Variants in PIWIL3 observed in about 807,000 individuals in gnomAD.
The protein encoded by PIWIL3 is piwi-like protein 3.
PIWIL3 carries 101 observed loss-of-function variants against 109.7 expected under a neutral mutation model. The ratio of observed to expected loss-of-function variants is 0.92; its 90% CI spans 0.78 to 1.09. The LOEUF is 1.09. PIWIL3 is among the 50% of genes least tolerant of loss of function. The pLI is 0.00. For synonymous variants in PIWIL3, 373 were observed against 376.4 expected (o/e 0.99, Z 0.10); for missense variants, 1,031 against 1,072.6 (o/e 0.96, Z 0.54).
At chr22:24,761,427 C>CA (rs915964194) in intron 2 of PIWIL3, among the ~76,000 whole-genome samples, 1 of 99,526 alleles carries the variant, frequency 1.0e-5, no homozygotes, top group Non-Finnish European at 2.3e-5. Context: ...AGTGAAGAGG[C>CA]AAGTCTGAGG....
intron 18 of PIWIL3, among the ~76,000 whole-genome samples, chr22:24,724,147 G>T (rs1922846468): frequency 6.6e-6 from 1 of 152,014 alleles, no homozygotes; most frequent in Non-Finnish European, 1.5e-5. Flanking sequence ...AAAGCAGAAG[G>T]GTCTTCCCGG....
intron 19 of PIWIL3, among the ~76,000 whole-genome samples, chr22:24,721,602 T>C (rs1250611494): frequency 2.0e-5 from 3 of 152,236 alleles, no homozygotes; most frequent in African/African-American, 4.8e-5. Context: ...TTTGTGAACA[T>C]ATGTTCCAGT....
chr22:24,755,560 C>A, intron 6 of PIWIL3, among the ~76,000 whole-genome samples: 1 of 152,142 alleles, frequency 6.6e-6, no homozygotes, highest in South Asian at 2.1e-4. Flanking sequence ...AGGTATGAGA[C>A]AAAGAACGGG....
At chr22:24,764,625 CGTGTGTGTGTGTGTGTGTGTGT>C (rs140531011) in intron 1 of PIWIL3, among the ~76,000 whole-genome samples, 40 of 134,692 alleles carry the variant, frequency 3.0e-4, no homozygotes, top group African/African-American at 1.0e-3. Flanking sequence ...TTGACCTTGC[CGTGTGTGTGTGTGTGTGTGTGT>C]GTGTGTGTGT....
chr22:24,726,089 A>C (rs904779864), intron 16 of PIWIL3, among the ~76,000 whole-genome samples: 1 of 152,186 alleles, frequency 6.6e-6, no homozygotes, highest in African/African-American at 2.4e-5. Flanking sequence ...GAGCATGACC[A>C]GGCGTCTCGG....
intron 2 of PIWIL3, 82 bp downstream of exon 2, chr22:24,762,316 C>A: frequency 6.6e-7 from 1 of 1,523,962 alleles, no homozygotes; most frequent in Non-Finnish European, 8.8e-7. Context: ...CCTGAACTAG[C>A]TTCGCTCAAC....
chr22:24,740,111 C>G (rs1601833344), intron 12 of PIWIL3, among the ~76,000 whole-genome samples: 1 of 148,092 alleles, frequency 6.8e-6, no homozygotes, highest in African/African-American at 2.5e-5. Context: ...CCCAGCTACT[C>G]AGGAGGCTGA....
chr22:24,725,921 C>G (rs1188047200), intron 16 of PIWIL3, among the ~76,000 whole-genome samples: 1 of 152,140 alleles, frequency 6.6e-6, no homozygotes, highest in African/African-American at 2.4e-5. Flanking sequence ...ATGGTGGCAG[C>G]TGTTGACACA....
intron 1 of PIWIL3, among the ~76,000 whole-genome samples, chr22:24,764,127 G>A (rs545946300): frequency 6.6e-6 from 1 of 152,322 alleles, no homozygotes; most frequent in South Asian, 2.1e-4. Flanking sequence ...AGGAAAGCAG[G>A]CGTCGCCCCC....
At chr22:24,773,427 G>C (rs941095692) in intron 1 of PIWIL3, among the ~76,000 whole-genome samples, 9 of 152,138 alleles carry the variant, frequency 5.9e-5, no homozygotes, top group African/African-American at 2.2e-4. Flanking sequence ...GGGTTAAATG[G>C]GAGAAGGTGT....
chr22:24,756,496 C>T lies in PIWIL3; in HGVS notation c.565G>A (p.Glu189Lys), dbSNP rs542381102. The change falls in exon 5 of 21, where the codon GAG becomes AAG. Residue 189 changes from glutamate to lysine, a missense_variant. Coordinates refer to ENST00000616349, the MANE Select transcript of PIWIL3 (RefSeq NM_001255975.1). Reference protein sequence around the residue: ...NSLLLSRPLKERRVEWLSTTK... With the variant: ...NSLLLSRPLKKRRVEWLSTTK... ...GTGAAACAACATTACTTAACCCGCTCTTTTAGTGGCCGAGATAATAATAAA... is the reference window on the plus strand; with the variant it reads ...GTGAAACAACATTACTTAACCCGCTTTTTTAGTGGCCGAGATAATAATAAA... The T allele has an allele frequency of 6.2e-7, 1 of 1,612,804 alleles. No homozygotes were observed. The highest frequency in any genetic ancestry group is 1.7e-5 in the Admixed American group (1 of 60,000).
Position 24,753,923 on chromosome 22 carries a change from A to G in PIWIL3, c.977+91T>C, listed in dbSNP as rs572681923. 55 of 1,129,906 alleles carry G rather than the reference A, an allele frequency of 4.9e-5. 2 individuals are homozygous for G. In the South Asian group the frequency reaches 7.9e-4, roughly 16 times the overall value. The allele number at this position is 1,129,906 out of a possible 1,614,324, so 70.0% of individuals were successfully genotyped here. A position where few individuals can be genotyped will look rare whatever the true frequency, so the allele number is the denominator to read the frequency against. Reference sequence around the variant, plus strand: ...GCAATTTCTACTCCTCAACTTCAACATTTAGTGATTAGAAAACTATAGGAC... The same window carrying G: ...GCAATTTCTACTCCTCAACTTCAACGTTTAGTGATTAGAAAACTATAGGAC... On this transcript the variant is annotated intron_variant, in intron 8 of 20. Coordinates refer to ENST00000616349, the MANE Select transcript of PIWIL3 (RefSeq NM_001255975.1).
chr22:24,772,041 C>A (rs1926165455), intron 1 of PIWIL3, among the ~76,000 whole-genome samples: 1 of 152,140 alleles, frequency 6.6e-6, no homozygotes, highest in Non-Finnish European at 1.5e-5. Flanking sequence ...GCCAACAGAA[C>A]TGTGTTGGTA....
chr22:24,726,860 CATT>C (rs772375924), intron 16 of PIWIL3, among the ~76,000 whole-genome samples: 3 of 152,166 alleles, frequency 2.0e-5, no homozygotes, highest in African/African-American at 7.2e-5. Context: ...GGGCCACAAT[CATT>C]ATTAAACAGA....
chr22:24,742,980 C>T (rs549182559), intron 12 of PIWIL3, among the ~76,000 whole-genome samples: 21 of 152,140 alleles, frequency 1.4e-4, no homozygotes, highest in Middle Eastern at 3.4e-3. Context: ...AAAATATTCC[C>T]AAACTATGCA....
chr22:24,749,591 G>A (rs2147695121), intron 10 of PIWIL3, 70 bp from the exon 11 acceptor site: 2 of 1,610,294 alleles, frequency 1.2e-6, no homozygotes, highest in Non-Finnish European at 1.7e-6. Flanking sequence ...ATAACAGCTG[G>A]AGGAACCTAC....
rs117516602 is a variant in PIWIL3 at position 24,734,466 on chromosome 22, A to G, written c.1635-310T>C. On this transcript the variant is annotated intron_variant, in intron 13 of 20. Transcript: ENST00000616349. ...AATCACTGCCTCCAATATTGAAGAG[A>G]CAAATAAGCAAAAACAAGGAGTCCT... 1.0e-3 allele frequency among the ~76,000 whole-genome samples: 156 copies of G among 152,278 alleles called. 1 individual carries two copies. The East Asian group carries it at 0.023, about 22-fold the overall frequency.
rs778999933 is a variant in PIWIL3 at position 24,719,818 on chromosome 22, G to A, written c.2435C>T (p.Thr812Met). The A allele has an allele frequency of 6.8e-6, 11 of 1,610,894 alleles. No homozygotes were observed. Among genetic ancestry groups the A allele is most frequent in the East Asian group, 2.2e-5 (1 of 44,856 alleles). ...TACTGTATCTGGGCTCAAGCCAATCGTGTCATAGATGACGTTATAATGAGT... is the reference window on the plus strand; with the variant it reads ...TACTGTATCTGGGCTCAAGCCAATCATGTCATAGATGACGTTATAATGAGT... ...TPTHYNVIYD[T>M]IGLSPDTVQR... The change falls in exon 20 of 21, where the codon ACG becomes ATG. Residue 812 changes from threonine to methionine, a missense_variant. Physicochemically the swap from Thr to Met is moderately conservative, Grantham distance 81 (BLOSUM62 -1). Coordinates refer to ENST00000616349, the MANE Select transcript of PIWIL3 (RefSeq NM_001255975.1).
chr22:24,746,253 C>G (rs1441388498), intron 12 of PIWIL3, among the ~76,000 whole-genome samples: 3 of 152,154 alleles, frequency 2.0e-5, no homozygotes, highest in Non-Finnish European at 2.9e-5. Context: ...GGATTTGTCC[C>G]AGGGATTCAA....
Sources: gnomAD v4.1 joint callset for allele counts (sites outside exome capture counted in the v4.1 genomes callset) on GRCh38, gnomAD v4.1.1 for gene constraint, MANE v1.5 for transcripts, NCBI Gene and HGNC (gene_info 2026-07-23, HGNC 2026-07-21) for gene names.